GDNF: variants seen among roughly 807,000 people sequenced by gnomAD.
GDNF encodes the protein glial cell line-derived neurotrophic factor.
GDNF carries 5 observed loss-of-function variants against 13.7 expected under a neutral mutation model. The ratio of observed to expected loss-of-function variants is 0.36; its 90% CI spans 0.19 to 0.77. The LOEUF is 0.77. Among genes scored for constraint, GDNF ranks in the 30% least tolerant of loss-of-function variants. GDNF has a pLI of 0.51. For missense variants in GDNF, 246 were observed against 274.3 expected, an observed-to-expected ratio of 0.90 and a Z score of 0.73; for synonymous variants, 122 against 112.5, an observed-to-expected ratio of 1.08 and a Z score of -0.53.
At chr5:37,821,405 A>G (rs186364206) in intron 2 of GDNF, among the ~76,000 whole-genome samples, 1 of 152,364 alleles carries the variant, frequency 6.6e-6, no homozygotes, top group East Asian at 1.9e-4. Context: ...TAACTTTAAT[A>G]GTGAAATACT....
chr5:37,836,789 G>A (rs949811403), intron 1 of GDNF, among the ~76,000 whole-genome samples: 10 of 152,260 alleles, frequency 6.6e-5, no homozygotes, highest in Non-Finnish European at 1.2e-4. Context: ...AAGCCACAGA[G>A]GCACTAGATT....
rs926820676 is a variant in GDNF, at chr5:37,815,194, A to G, written c.*457T>C. Reference sequence around the variant, plus strand: ...CTCTTACTTTCAGCAGTAAAACGTAATAACAAGGAACAACACCAGGATCTC... The same window carrying G: ...CTCTTACTTTCAGCAGTAAAACGTAGTAACAAGGAACAACACCAGGATCTC... On this transcript the variant is annotated 3_prime_UTR_variant, in exon 3 of 3. Transcript: ENST00000326524. This position sits in a 1 kb window ranked among gnomAD's most constrained non-coding sequence, Gnocchi z 5.0. The G allele has an allele frequency of 1.6e-5, 3 of 183,590 alleles. No homozygotes were observed. The highest frequency in any genetic ancestry group is 5.4e-5 in the Admixed American group (1 of 18,392). 11.4% of individuals were successfully genotyped at this position (183,590 alleles called of 1,614,324 possible).
At position 37,815,889 on chromosome 5, in the gene GDNF, C is replaced by A; in HGVS notation, c.398G>T (p.Gly133Val). Residue 133 changes from glycine to valine, a missense_variant, in exon 3 of 3, where the codon GGC (glycine) becomes GTC (valine). Coordinates refer to ENST00000326524, the MANE Select transcript of GDNF (RefSeq NM_000514.4). This position sits in a 1 kb window ranked among gnomAD's most constrained non-coding sequence, Gnocchi z 5.0. ...AATCAGTTCCTCCTTGGTTTCATAGCCCAGACCCAAGTCAGTGACATTTAA... is the reference window on the plus strand; with the variant it reads ...AATCAGTTCCTCCTTGGTTTCATAGACCAGACCCAAGTCAGTGACATTTAA... The part of the protein sequence containing the change: ...IHLNVTDLGL[G>V]YETKEELIFR... The A allele has an allele frequency of 6.2e-7, 1 of 1,614,166 alleles. No homozygotes were observed. Among genetic ancestry groups the A allele is most frequent in the Non-Finnish European group, 8.5e-7 (1 of 1,180,040 alleles).
rs1039612423 is a variant in GDNF, at chr5:37,813,845, G to A, written c.*1806C>T. 1.3e-5 allele frequency: 2 copies of A among 152,950 alleles called. No individual in the cohort carries two copies. Among genetic ancestry groups the A allele is most frequent in the Non-Finnish European group, 2.9e-5 (2 of 68,352 alleles). The allele number at this position is 152,950 out of a possible 1,614,324, so 9.5% of individuals were successfully genotyped here. On this transcript the variant is annotated 3_prime_UTR_variant, in exon 3 of 3. Transcript: ENST00000326524. ...TCCAAAGTGTTGGGATTATGGGTGT[G>A]AGCCGCTGCACTGGCCCCGACCACC...
intron 2 of GDNF, among the ~76,000 whole-genome samples, chr5:37,833,976 T>C (rs1750609568): frequency 6.6e-6 from 1 of 152,268 alleles, no homozygotes; most frequent in Non-Finnish European, 1.5e-5. Context: ...CTGGGTTTTT[T>C]TCTCAAGAGT....
intron 2 of GDNF, among the ~76,000 whole-genome samples, chr5:37,818,431 T>C (rs1750008294): frequency 6.6e-6 from 1 of 152,216 alleles, no homozygotes; most frequent in South Asian, 2.1e-4. Context: ...ATGTAAGATG[T>C]GACTTTGCTC....
rs1749824004 is a variant in GDNF, at chr5:37,814,121, A to AGGGAAGTGGGT, written c.*1529_*1530insACCCACTTCCC. The AGGGAAGTGGGT allele has an allele frequency of 6.6e-6, 1 of 152,548 alleles. No individual in the cohort carries two copies. Among genetic ancestry groups the AGGGAAGTGGGT allele is most frequent in the Non-Finnish European group, 1.5e-5 (1 of 68,052 alleles). The allele number at this position is 152,548 out of a possible 1,614,324, so 9.4% of individuals were successfully genotyped here. On this transcript the variant is annotated 3_prime_UTR_variant, in exon 3 of 3. Transcript: ENST00000326524. Reference sequence around the variant, plus strand: ...ACTGGGCAGCCAGCATATTCTCGGGAGGGCAGTGGGTGGGCAGGGATGGAG... The same window carrying AGGGAAGTGGGT: ...ACTGGGCAGCCAGCATATTCTCGGGAGGGAAGTGGGTGGGCAGTGGGTGGGCAGGGATGGAG...
rs1346163370 is a variant in GDNF, at chr5:37,838,111, A to AC, written c.-27+1395dup. 1.3e-5 allele frequency among the ~76,000 whole-genome samples: 2 copies of AC among 150,868 alleles called. No individual in the cohort carries two copies. The highest frequency in any genetic ancestry group is 6.6e-5 in the Admixed American group (1 of 15,150). On this transcript the variant is annotated intron_variant, in intron 1 of 2. Coordinates refer to ENST00000326524, the MANE Select transcript of GDNF (RefSeq NM_000514.4). The surrounding 1 kb of genome is among the most constrained non-coding windows in gnomAD (Gnocchi z 4.1). The stretch of plus-strand genomic sequence containing the variant: ...TGACAGAGGACTTATTCTCCCCTCA[A>AC]CCCCCCATAACTGCGGGGCCCAAGA...
chr5:37,816,184 T>A, intron 2 of GDNF, 49 bp from the exon 3 acceptor site: 2 of 1,603,994 alleles, frequency 1.2e-6, no homozygotes, highest in Non-Finnish European at 1.7e-6. Flanking sequence ...AATGATCATT[T>A]CAAGCCGTCT....
At chr5:37,824,094 T>C (rs1750227689) in intron 2 of GDNF, 1 of 959,362 alleles carries the variant, frequency 1.0e-6, no homozygotes, top group African/African-American at 1.8e-5. Context: ...TGTGCCCTAT[T>C]TAAGAGAGGT....
intron 2 of GDNF, among the ~76,000 whole-genome samples, chr5:37,818,928 G>A (rs879396622): frequency 3.8e-4 from 58 of 151,758 alleles, no homozygotes; most frequent in Admixed American, 7.2e-4. Context: ...CCTGCCCTGC[G>A]CCTCCCCCTC....
At chr5:37,819,997 A>G (rs1432758460) in intron 2 of GDNF, among the ~76,000 whole-genome samples, 1 of 152,206 alleles carries the variant, frequency 6.6e-6, no homozygotes, top group Non-Finnish European at 1.5e-5. Context: ...ATAAATCGGA[A>G]CTTATGAAAC....
chr5:37,826,005 T>G (rs1464085313), intron 2 of GDNF, among the ~76,000 whole-genome samples: 1 of 152,124 alleles, frequency 6.6e-6, no homozygotes, highest in African/African-American at 2.4e-5. Flanking sequence ...ATTCCCTGAT[T>G]TTTTTTCCTT....
chr5:37,837,779 G>A lies in GDNF; in HGVS notation c.-27+1728C>T, dbSNP rs1016022097. 1.3e-5 allele frequency among the ~76,000 whole-genome samples: 2 copies of A among 152,040 alleles called. No individual in the cohort carries two copies. Among genetic ancestry groups the A allele is most frequent in the East Asian group, 3.9e-4 (2 of 5,164 alleles). ...TTTCCTCTCCCCACTTCACCTGAGC[G>A]GGTTTCTTGGCAACCTGCTTTCAGA... On this transcript the variant is annotated intron_variant, in intron 1 of 2. Transcript: ENST00000326524. The surrounding 1 kb of genome is among the most constrained non-coding windows in gnomAD (Gnocchi z 6.5).
intron 1 of GDNF, 92 bp from the exon 2 acceptor site, chr5:37,834,914 G>T (rs190856871): frequency 8.7e-7 from 1 of 1,153,514 alleles, no homozygotes; most frequent in Non-Finnish European, 1.3e-6. Context: ...CTCCAACCTC[G>T]TCACCGCCCT....
At chr5:37,822,231 G>T (rs1340869760) in intron 2 of GDNF, among the ~76,000 whole-genome samples, 1 of 152,196 alleles carries the variant, frequency 6.6e-6, no homozygotes, top group Non-Finnish European at 1.5e-5. Context: ...TCCTGTTCAG[G>T]AGATGTCTTC....
chr5:37,814,033 C>T lies in GDNF; in HGVS notation c.*1618G>A, dbSNP rs1031458275. 1 of 152,592 alleles carries T rather than the reference C, an allele frequency of 6.6e-6. No individual in the cohort carries two copies. The highest frequency in any genetic ancestry group is 2.4e-5 in the African/African-American group (1 of 41,370). 9.5% of individuals were successfully genotyped at this position (152,592 alleles called of 1,614,324 possible). A position where few individuals can be genotyped will look rare whatever the true frequency, so the allele number is the denominator to read the frequency against. On this transcript the variant is annotated 3_prime_UTR_variant, in exon 3 of 3. Transcript: ENST00000326524. ...GCAGCTGTTGACCCCCGGTGACAGCCCAGGGGTTGTACAGGACCTGGTAGA... is the reference window on the plus strand; with the variant it reads ...GCAGCTGTTGACCCCCGGTGACAGCTCAGGGGTTGTACAGGACCTGGTAGA...
chr5:37,813,996 T>A lies in GDNF; in HGVS notation c.*1655A>T, dbSNP rs996844389. 1 of 152,606 alleles carries A rather than the reference T, an allele frequency of 6.6e-6. No individual in the cohort carries two copies. Among genetic ancestry groups the A allele is most frequent in the African/African-American group, 2.4e-5 (1 of 41,356 alleles). The allele number at this position is 152,606 out of a possible 1,614,324, so 9.5% of individuals were successfully genotyped here. On this transcript the variant is annotated 3_prime_UTR_variant, in exon 3 of 3. Coordinates refer to ENST00000326524, the MANE Select transcript of GDNF (RefSeq NM_000514.4). ...CCCAGGGAGCTGTCAGGTGTTTGGG[T>A]ATATAGGAGCAGCAGCTGTTGACCC... is the stretch of plus-strand genomic sequence containing the variant.
Position 37,815,546 on chromosome 5 carries a change from C to T in GDNF, c.*105G>A. The T allele has an allele frequency of 6.4e-6, 7 of 1,094,830 alleles. No individual in the cohort carries two copies. The highest frequency in any genetic ancestry group is 9.9e-6 in the Non-Finnish European group (7 of 710,456). The allele number at this position is 1,094,830 out of a possible 1,614,324, so 67.8% of individuals were successfully genotyped here. On this transcript the variant is annotated 3_prime_UTR_variant, in exon 3 of 3. Coordinates refer to ENST00000326524, the MANE Select transcript of GDNF (RefSeq NM_000514.4). The surrounding 1 kb of genome is among the most constrained non-coding windows in gnomAD (Gnocchi z 5.0). ...TCTTCTTCTTCCTCCTCCTCCGCCT[C>T]CTTGGTCCTCATCTTCCATTCTGGG...
Sources: gnomAD v4.1 joint callset for allele counts (sites outside exome capture counted in the v4.1 genomes callset) on GRCh38, gnomAD v4.1.1 for gene constraint, Gnocchi (gnomAD v3.1) non-coding constraint, MANE v1.5 for transcripts, NCBI Gene and HGNC (gene_info 2026-07-23, HGNC 2026-07-21) for gene names.